STAG3: variants seen among roughly 807,000 people sequenced by gnomAD.
STAG3 encodes cohesin subunit SA-3.
Under a neutral mutation model 160.7 loss-of-function variants are expected in STAG3, and 101 were observed. The ratio of observed to expected loss-of-function variants is 0.63; its 90% confidence interval spans 0.54 to 0.74. STAG3 has a LOEUF of 0.74. Ranked by LOEUF, STAG3 falls within the 30% of genes least tolerant of loss-of-function variation. STAG3 has a pLI of 0.00. For synonymous variants in STAG3, 519 were observed against 585.0 expected (o/e 0.89, Z 1.63); for missense variants, 1,188 against 1,517.4 (o/e 0.78, Z 3.61).
Position 100,211,003 on chromosome 7 carries a change from C to A in STAG3, c.3239-8C>A. On this transcript the variant is annotated splice_polypyrimidine_tract_variant and splice_region_variant and intron_variant, in intron 29 of 33. Transcript: ENST00000615138. The stretch of plus-strand genomic sequence containing the variant: ...GGGCTGTGGTTAATGTATGCATCTG[C>A]TTGGCAGGGCCTGCCAAGCCTAACA... 6.2e-7 allele frequency: 1 copy of A among 1,611,646 alleles called. No homozygotes were observed. The highest frequency in any genetic ancestry group is 8.5e-7 in the Non-Finnish European group (1 of 1,179,096).
chr7:100,180,965 C>A, intron 2 of STAG3: 1 of 253,786 alleles, frequency 3.9e-6, no homozygotes, highest in Admixed American at 5.1e-5. Context: ...CTGCAACCTC[C>A]GCCTCCTGGG....
chr7:100,196,802 G>T (rs945541844), intron 9 of STAG3, among the ~76,000 whole-genome samples: 2 of 151,846 alleles, frequency 1.3e-5, no homozygotes, highest in Non-Finnish European at 2.9e-5. Flanking sequence ...GCTGTACAAG[G>T]CTGGTGTTTA....
At chr7:100,205,189 G>A (rs2246713) in intron 28 of STAG3, 38 bp from the exon 29 acceptor site, 2 of 1,613,100 alleles carry the variant, frequency 1.2e-6, no homozygotes, top group Non-Finnish European at 1.7e-6. Context: ...TGAGGGCCCA[G>A]TAGCCCCTTC....
chr7:100,204,168 G>T, intron 26 of STAG3, 46 bp downstream of exon 26: 1 of 1,483,388 alleles, frequency 6.7e-7, no homozygotes. Flanking sequence ...TTGTCCCCAA[G>T]TCTCTGTCTA....
Position 100,211,801 on chromosome 7 carries a change from C to T in STAG3, c.3525C>T (p.Ser1175=), listed in dbSNP as rs1491003906. 1 of 1,614,030 alleles carries T rather than the reference C, an allele frequency of 6.2e-7. No individual in the cohort carries two copies. Among genetic ancestry groups the T allele is most frequent in the Non-Finnish European group, 8.5e-7 (1 of 1,179,970 alleles). ...CTCTTTGCCCCTACATCAGACTCAG[C>T]CTTATGGAAGAGGACGAGGAAGAAG... ...PGLGNQLMRL[S]LMEEDEEEEL... is the part of the protein sequence containing the mutation. Residue 1175 remains serine, a synonymous_variant, in exon 32 of 34, where the codon AGC becomes AGT. Coordinates refer to ENST00000615138, the MANE Select transcript of STAG3 (RefSeq NM_001282717.2).
At chr7:100,203,817 T>C (rs777039214) in intron 25 of STAG3, among the ~76,000 whole-genome samples, 1 of 152,282 alleles carries the variant, frequency 6.6e-6, no homozygotes, top group African/African-American at 2.4e-5. Flanking sequence ...CCCGGCCTTA[T>C]TATTTGTTTA....
intron 18 of STAG3, 22 bp from the exon 19 acceptor site, chr7:100,200,747 A>G (rs1454013628): frequency 1.2e-6 from 2 of 1,612,976 alleles, no homozygotes; most frequent in Non-Finnish European, 8.5e-7. Context: ...ACAGCACACC[A>G]TCTTCTGCCT....
At chr7:100,187,636 C>T (rs1248111766) in intron 5 of STAG3, among the ~76,000 whole-genome samples, 1 of 152,136 alleles carries the variant, frequency 6.6e-6, no homozygotes, top group Non-Finnish European at 1.5e-5. Flanking sequence ...AAGCATGCTT[C>T]TCAAGCTTGG....
intron 32 of STAG3, chr7:100,212,142 C>T (rs533726189): frequency 1.7e-5 from 6 of 346,440 alleles, no homozygotes; most frequent in African/African-American, 6.3e-5. Context: ...TTGTTGCCTC[C>T]GAACCCCCTA....
intron 1 of STAG3, among the ~76,000 whole-genome samples, chr7:100,179,858 C>G (rs1799529558): frequency 6.6e-6 from 1 of 152,328 alleles, no homozygotes; most frequent in South Asian, 2.1e-4. Flanking sequence ...GCCTCAGCCT[C>G]CCAAGTAGCT....
intron 8 of STAG3, among the ~76,000 whole-genome samples, chr7:100,194,355 T>C (rs1800546767): frequency 6.6e-6 from 1 of 152,202 alleles, no homozygotes; most frequent in South Asian, 2.1e-4. Context: ...TATTTTTGTG[T>C]CTCAAGGAAT....
intron 9 of STAG3, among the ~76,000 whole-genome samples, chr7:100,196,419 T>G (rs529676314): frequency 6.6e-6 from 1 of 152,086 alleles, no homozygotes; most frequent in East Asian, 2.0e-4. Context: ...TAGCTGGGAC[T>G]ACAGGCGCCC....
At chr7:100,180,057 A>AT (rs1440807777) in intron 1 of STAG3, among the ~76,000 whole-genome samples, 1 of 146,958 alleles carries the variant, frequency 6.8e-6, no homozygotes, top group Non-Finnish European at 1.5e-5. Flanking sequence ...TATCATTACT[A>AT]TTTTTTTGAG....
At chr7:100,209,410 G>GAGA (rs1338783363) in intron 29 of STAG3, among the ~76,000 whole-genome samples, 1 of 152,228 alleles carries the variant, frequency 6.6e-6, no homozygotes, top group African/African-American at 2.4e-5. Context: ...AGGAACAGCA[G>GAGA]AGAAGACCAT....
rs1171216145 is a variant in STAG3, at chr7:100,211,009, A to G, written c.3239-2A>G. The G allele has an allele frequency of 6.2e-7, 1 of 1,612,268 alleles. No homozygotes were observed. The highest frequency in any genetic ancestry group is 8.5e-7 in the Non-Finnish European group (1 of 1,179,452). On this transcript the variant is annotated splice_acceptor_variant, in intron 29 of 33. Transcript: ENST00000615138. LOFTEE classifies it high-confidence loss of function. ...TGGTTAATGTATGCATCTGCTTGGC[A>G]GGGCCTGCCAAGCCTAACAGAGAGG...
chr7:100,211,374 G>T, intron 30 of STAG3, 61 bp from the exon 31 acceptor site: 1 of 1,569,394 alleles, frequency 6.4e-7, no homozygotes. Flanking sequence ...AACACCAGCT[G>T]CCTTACATCC....
chr7:100,195,453 T>G, intron 9 of STAG3, 71 bp downstream of exon 9: 1 of 1,431,608 alleles, frequency 7.0e-7, no homozygotes, highest in Non-Finnish European at 9.7e-7. Flanking sequence ...TGAATAAGGT[T>G]TTCCCCCCTC....
intron 32 of STAG3, chr7:100,213,331 CTGTTATTCTTCTGT>C: frequency 1.0e-5 from 10 of 985,238 alleles, no homozygotes; most frequent in Non-Finnish European, 1.2e-5. Flanking sequence ...GTATCTTCTG[CTGTTATTCTTCTGT>C]TCTCTTCTCT....
chr7:100,193,347 C>A (rs947570031), intron 8 of STAG3, among the ~76,000 whole-genome samples: 7 of 152,192 alleles, frequency 4.6e-5, no homozygotes, highest in Admixed American at 2.0e-4. Context: ...TAGCCCCTAA[C>A]GAGGAGTCAG....
Sources: allele counts gnomAD v4.1 joint callset (sites outside exome capture counted in the v4.1 genomes callset), GRCh38; gene constraint gnomAD v4.1.1; transcripts MANE v1.5; gene names NCBI Gene and HGNC (gene_info 2026-07-23, HGNC 2026-07-21).